Variants in CDIN1 observed in about 807,000 individuals in gnomAD.
CDIN1 encodes the protein CDAN1-interacting nuclease 1.
CDIN1 carries 33 observed loss-of-function variants against 45.3 expected under a neutral mutation model. The ratio of observed to expected loss-of-function variants is 0.73; its 90% confidence interval spans 0.55 to 0.97. The LOEUF is 0.97. Ranked by LOEUF, CDIN1 falls within the 50% of genes least tolerant of loss-of-function variation. CDIN1 has a pLI of 0.00. For missense variants in CDIN1, 303 were observed against 339.4 expected (o/e 0.89, Z 0.84); for synonymous variants, 118 against 124.4 (o/e 0.95, Z 0.34).
chr15:36,719,980 T>C (rs1417257945), intron 10 of CDIN1, among the ~76,000 whole-genome samples: 4 of 152,078 alleles, frequency 2.6e-5, no homozygotes, highest in African/African-American at 9.6e-5. Context: ...ATTCCTGATA[T>C]TGATAATTGT....
chr15:36,758,943 G>GA (rs1458940137), intron 10 of CDIN1, among the ~76,000 whole-genome samples: 3 of 152,280 alleles, frequency 2.0e-5, no homozygotes, highest in East Asian at 1.9e-4. Context: ...AACCCATCCA[G>GA]AAAAATTATG....
intron 1 of CDIN1, among the ~76,000 whole-genome samples, chr15:36,593,809 C>T (rs986954441): frequency 2.6e-5 from 4 of 152,164 alleles, no homozygotes; most frequent in African/African-American, 9.7e-5. Flanking sequence ...TGTGATCTGC[C>T]TGCCTCGGCC....
intron 10 of CDIN1, among the ~76,000 whole-genome samples, chr15:36,782,199 A>G (rs2054370168): frequency 6.6e-6 from 1 of 152,278 alleles, no homozygotes; most frequent in Admixed American, 6.5e-5. Flanking sequence ...ATTTCTCATA[A>G]TTTATAAACT....
intron 10 of CDIN1, among the ~76,000 whole-genome samples, chr15:36,785,424 A>G (rs970412274): frequency 1.3e-5 from 2 of 150,814 alleles, no homozygotes; most frequent in Admixed American, 1.3e-4. Context: ...TTGGATAATC[A>G]CTAACATTCT....
intron 5 of CDIN1, among the ~76,000 whole-genome samples, chr15:36,682,950 T>C (rs1008370274): frequency 6.6e-6 from 1 of 152,164 alleles, no homozygotes; most frequent in Non-Finnish European, 1.5e-5. Context: ...GCTGATAGAA[T>C]TGTGTAAAAA....
chr15:36,697,277 CT>C, intron 7 of CDIN1, 45 bp from the exon 8 acceptor site: 1 of 1,538,776 alleles, frequency 6.5e-7, no homozygotes, highest in African/African-American at 1.4e-5. Flanking sequence ...CGTTTTCCTG[CT>C]GGTATAATTC....
At chr15:36,686,747 A>T (rs1377813213) in intron 5 of CDIN1, among the ~76,000 whole-genome samples, 1 of 147,264 alleles carries the variant, frequency 6.8e-6, no homozygotes, top group Non-Finnish European at 1.5e-5. Flanking sequence ...AGAGAGAGAG[A>T]GAAGGGAGGG....
At chr15:36,648,115 A>G (rs1475234482) in intron 3 of CDIN1, among the ~76,000 whole-genome samples, 1 of 152,188 alleles carries the variant, frequency 6.6e-6, no homozygotes, top group African/African-American at 2.4e-5. Flanking sequence ...CTGGGATTAC[A>G]GGCGTGAGCC....
chr15:36,689,850 A>T (rs1369678001), intron 5 of CDIN1, among the ~76,000 whole-genome samples: 1 of 152,232 alleles, frequency 6.6e-6, no homozygotes, highest in Non-Finnish European at 1.5e-5. Flanking sequence ...TTTGATTCTT[A>T]CTATTACTTG....
chr15:36,749,587 C>A (rs768292483), intron 10 of CDIN1, among the ~76,000 whole-genome samples: 1 of 152,214 alleles, frequency 6.6e-6, no homozygotes, highest in Non-Finnish European at 1.5e-5. Flanking sequence ...ACTCAGCTGG[C>A]TGTCTGCCGC....
At chr15:36,777,634 T>C in intron 10 of CDIN1, among the ~76,000 whole-genome samples, 1 of 152,176 alleles carries the variant, frequency 6.6e-6, no homozygotes, top group Non-Finnish European at 1.5e-5. Flanking sequence ...ATTTTTATTT[T>C]TTGAGACAAG....
chr15:36,690,568 A>G (rs1212152186), intron 5 of CDIN1, among the ~76,000 whole-genome samples: 2 of 152,086 alleles, frequency 1.3e-5, no homozygotes, highest in Admixed American at 1.3e-4. Flanking sequence ...GCGCCTGGCC[A>G]CTAACATTTA....
intron 5 of CDIN1, among the ~76,000 whole-genome samples, chr15:36,667,664 TTTC>T (rs2041299126): frequency 1.3e-5 from 2 of 152,162 alleles, no homozygotes; most frequent in East Asian, 3.8e-4. Flanking sequence ...GAATTCCACT[TTTC>T]TTCTTATTCA....
chr15:36,638,856 A>G (rs989216783), intron 1 of CDIN1, among the ~76,000 whole-genome samples: 2 of 152,244 alleles, frequency 1.3e-5, no homozygotes, highest in Non-Finnish European at 2.9e-5. Context: ...ATGCTTAAGC[A>G]GGGATATTAG....
intron 1 of CDIN1, among the ~76,000 whole-genome samples, chr15:36,586,259 C>T (rs1053225223): frequency 8.0e-5 from 12 of 149,264 alleles, no homozygotes; most frequent in Admixed American, 4.0e-4. Context: ...TAATAAATAC[C>T]TTGTGGGGAT....
At chr15:36,759,446 G>A (rs1466059111) in intron 10 of CDIN1, among the ~76,000 whole-genome samples, 1 of 151,838 alleles carries the variant, frequency 6.6e-6, no homozygotes, top group East Asian at 1.9e-4. Context: ...CCTCACAATT[G>A]CTCAGATAAA....
At chr15:36,721,507 A>G (rs1393928675) in intron 10 of CDIN1, among the ~76,000 whole-genome samples, 2 of 152,154 alleles carry the variant, frequency 1.3e-5, no homozygotes, top group African/African-American at 2.4e-5. Flanking sequence ...TTTGGTTTCT[A>G]ATTTAATTGC....
chr15:36,665,424 C>CTT (rs1439602567), intron 5 of CDIN1, among the ~76,000 whole-genome samples: 6 of 152,172 alleles, frequency 3.9e-5, no homozygotes, highest in Non-Finnish European at 4.4e-5. Flanking sequence ...TGATATTTTA[C>CTT]TGAGCTTATA....
At chr15:36,746,123 C>T (rs1050949123) in intron 10 of CDIN1, among the ~76,000 whole-genome samples, 3 of 152,086 alleles carry the variant, frequency 2.0e-5, no homozygotes, top group Non-Finnish European at 1.5e-5. Flanking sequence ...TCTGGGGCAG[C>T]GCTGATAGTT....
Sources: allele counts gnomAD v4.1 joint callset (sites outside exome capture counted in the v4.1 genomes callset), GRCh38; gene constraint gnomAD v4.1.1; transcripts MANE v1.5; gene names NCBI Gene and HGNC (gene_info 2026-07-23, HGNC 2026-07-21).